The following C6orf120 variants were observed in gnomAD, a reference collection of about 807,000 sequenced individuals.
C6orf120 encodes the protein chromosome 6 open reading frame 120, also known as UPF0669 protein C6orf120.
For synonymous variants in C6orf120, 165 were observed against 123.1 expected, an observed-to-expected ratio of 1.34 and a Z score of -2.25; for missense variants, 311 against 264.2, an observed-to-expected ratio of 1.18 and a Z score of -1.23.
exon 1 of C6orf120, chr6:169,702,832 C>T (rs1156508399): frequency 1.2e-6 from 2 of 1,612,286 alleles, no homozygotes; most frequent in Admixed American, 1.7e-5. Context: ...CCCCTCCCAC[C>T]TGGAGAGCGA....
chr6:169,703,936 A>G, exon 1 of C6orf120: 1 of 1,271,358 alleles, frequency 7.9e-7, no homozygotes, highest in African/African-American at 1.6e-5. Context: ...TGGCATGAAA[A>G]TAATGTTGTA....
chr6:169,702,870 C>G (rs142998748), exon 1 of C6orf120: 66 of 1,611,798 alleles, frequency 4.1e-5, no homozygotes, highest in Non-Finnish European at 5.1e-5. Context: ...ACTACGACGG[C>G]ACGGTCGAGC....
upstream of C6orf120, chr6:169,702,164 T>A (rs1264944746): frequency 4.9e-6 from 3 of 610,882 alleles, no homozygotes; most frequent in South Asian, 3.0e-5. Context: ...CGGGTCCGGA[T>A]GTATAAAGCG....
chr6:169,704,969 G>C, downstream of C6orf120: 1 of 476,978 alleles, frequency 2.1e-6, no homozygotes, highest in Non-Finnish European at 3.8e-6. Flanking sequence ...ATTGTCTAGG[G>C]ATGAAAAGCT....
At chr6:169,705,053 A>G (rs1788730421), downstream of C6orf120, 1 of 1,042,012 alleles carries the variant, frequency 9.6e-7, no homozygotes, top group Non-Finnish European at 1.4e-6. Flanking sequence ...TCATGTCATG[A>G]TAGCGTTTAT....
chr6:169,703,048 ACT>A (rs1463272736), exon 1 of C6orf120: 1 of 1,540,400 alleles, frequency 6.5e-7, no homozygotes, highest in Non-Finnish European at 8.8e-7. Flanking sequence ...CGTTGACCAC[ACT>A]CTGGGATATA....
At chr6:169,702,478 A>C in exon 1 of C6orf120, 1 of 1,565,084 alleles carries the variant, frequency 6.4e-7, no homozygotes, top group Non-Finnish European at 8.7e-7. Context: ...TCCCCGCGGG[A>C]GGGCCGCGCC....
At chr6:169,702,229 C>T (rs1024631324) in exon 1 of C6orf120, 10 of 689,516 alleles carry the variant, frequency 1.5e-5, no homozygotes, top group Non-Finnish European at 2.6e-5. Flanking sequence ...GGCCCTGCCC[C>T]TGCCCCTGCC....
At chr6:169,705,564 T>C, downstream of C6orf120, 2 of 987,852 alleles carry the variant, frequency 2.0e-6, no homozygotes, top group Non-Finnish European at 3.3e-6. Flanking sequence ...TTCTAGTTTT[T>C]GAACCAATAA....
chr6:169,703,212 A>C, exon 1 of C6orf120: 1 of 651,642 alleles, frequency 1.5e-6, no homozygotes, highest in Non-Finnish European at 2.7e-6. Flanking sequence ...GAAAAGCAGC[A>C]AGCACAGTAT....
At chr6:169,702,600 C>A in exon 1 of C6orf120, 1 of 1,613,286 alleles carries the variant, frequency 6.2e-7, no homozygotes, top group Non-Finnish European at 8.5e-7. Context: ...TCGTCCAGGG[C>A]CAGATAGGCG....
upstream of C6orf120, chr6:169,702,188 G>A (rs752679970): frequency 1.6e-5 from 11 of 668,278 alleles, no homozygotes; most frequent in Middle Eastern, 2.4e-4. Context: ...CCCCCTGCGG[G>A]GAGTGGTGGT....
chr6:169,702,884 A>T (rs1585288265), exon 1 of C6orf120: 1 of 1,611,786 alleles, frequency 6.2e-7, no homozygotes, highest in African/African-American at 1.3e-5. Flanking sequence ...GTCGAGCAGC[A>T]CCCGTTCGGC....
chr6:169,704,638 C>T (rs1788709602), exon 1 of C6orf120: 1 of 169,402 alleles, frequency 5.9e-6, no homozygotes, highest in African/African-American at 2.4e-5. Context: ...GAGTATTATA[C>T]AGTGTTAACT....
At chr6:169,704,103 GT>G in exon 1 of C6orf120, 1 of 1,567,542 alleles carries the variant, frequency 6.4e-7, no homozygotes, top group Non-Finnish European at 8.6e-7. Flanking sequence ...GAAAAAAATT[GT>G]TAATATAGAA....
chr6:169,703,027 C>A (rs377593831), exon 1 of C6orf120: 6 of 1,552,020 alleles, frequency 3.9e-6, no homozygotes, highest in Non-Finnish European at 5.2e-6. Context: ...ACTTGAAATT[C>A]TCTTTTGAGT....
exon 1 of C6orf120, chr6:169,703,744 G>A (rs1015358149): frequency 2.9e-5 from 13 of 454,922 alleles, no homozygotes; most frequent in Non-Finnish European, 4.7e-5. Context: ...GGGCTATGGA[G>A]AAACAGTTAA....
chr6:169,702,591 C>T (rs749971321), exon 1 of C6orf120: 35 of 1,613,218 alleles, frequency 2.2e-5, no homozygotes, highest in Non-Finnish European at 2.6e-5. Context: ...TCCTGCACGT[C>T]GTCCAGGGCC....
chr6:169,702,157 G>A, upstream of C6orf120: 1 of 626,538 alleles, frequency 1.6e-6, no homozygotes, highest in South Asian at 1.5e-5. Context: ...CCGGCCTCGG[G>A]TCCGGATGTA....
Sources: gnomAD v4.1 joint callset for allele counts on GRCh38, gnomAD v4.1.1 for gene constraint, MANE v1.5 for transcripts, NCBI Gene and HGNC (gene_info 2026-07-23, HGNC 2026-07-21) for gene names.